The following NYNRIN variants were observed in gnomAD, a reference collection of about 807,000 sequenced individuals.
NYNRIN encodes the protein protein NYNRIN.
A neutral mutation model predicts 146.6 loss-of-function variants in NYNRIN; 86 were observed. The ratio of observed to expected loss-of-function variants is 0.59; its 90% CI spans 0.49 to 0.70. The LOEUF (loss-of-function observed/expected upper bound fraction) is 0.70. NYNRIN is among the 30% of genes least tolerant of loss of function. The pLI is 0.00. For missense variants in NYNRIN, 2,191 were observed against 2,377.7 expected, an observed-to-expected ratio of 0.92 and a Z score of 1.63; for synonymous variants, 1,027 against 1,001.3, an observed-to-expected ratio of 1.03 and a Z score of -0.48.
At chr14:24,414,496 C>G in intron 8 of NYNRIN, 100 bp from the exon 9 acceptor site, 1 of 1,444,212 alleles carries the variant, frequency 6.9e-7, no homozygotes, top group Non-Finnish European at 9.1e-7. Context: ...TTGGCCCAGC[C>G]TCAGGACACT....
In NYNRIN at chr14:24,409,801, T is replaced by C. The variant is rs537978307; in HGVS notation, c.2007T>C (p.Pro669=). Residue 669 remains proline, a synonymous_variant, in exon 4 of 9, where the codon CCT becomes CCC. Transcript: ENST00000382554. ...AAGCACCTGCAGCTCCCAAAGTACCTGTGACCCCCAGAGTCTCCAGAGCTC... is the reference window on the plus strand; with the variant it reads ...AAGCACCTGCAGCTCCCAAAGTACCCGTGACCCCCAGAGTCTCCAGAGCTC... ...ASKAPAAPKV[P]VTPRVSRAPK... 24 of 1,613,280 alleles carry C rather than the reference T, an allele frequency of 1.5e-5. No homozygotes were observed. In the Admixed American group the frequency reaches 3.5e-4, roughly 24 times the overall value.
At position 24,411,493 on chromosome 14, in the gene NYNRIN, G is replaced by T; in HGVS notation, c.2642+43G>T. ...CCTGCCCTCCTGGGCTCAGGGAGTT[G>T]GGCCTGGCTGGTGTGTCAGGTGGAG... On this transcript the variant is annotated intron_variant, in intron 6 of 8. Coordinates refer to ENST00000382554, the MANE Select transcript of NYNRIN (RefSeq NM_025081.3). The surrounding 1 kb of genome is among the most constrained non-coding windows in gnomAD (Gnocchi z 4.3). The T allele has an allele frequency of 6.4e-7, 1 of 1,550,806 alleles. No individual in the cohort carries two copies. The highest frequency in any genetic ancestry group is 8.9e-7 in the Non-Finnish European group (1 of 1,123,250).
At chr14:24,406,938 G>C (rs1362675191) in intron 2 of NYNRIN, among the ~76,000 whole-genome samples, 1 of 152,232 alleles carries the variant, frequency 6.6e-6, no homozygotes, top group Non-Finnish European at 1.5e-5. Context: ...GACTTGGTCT[G>C]CCCAGAAAGC....
rs1566487599 is a variant in NYNRIN, at chr14:24,415,395, C to T, written c.3646C>T (p.Leu1216Phe). The change falls in exon 9 of 9, where the codon CTC becomes TTC. Residue 1216 changes from leucine to phenylalanine, a missense_variant. Leu to Phe is a conservative substitution (Grantham distance 22). This residue lies in a region of NYNRIN where 1,291 missense variants were observed against 1,417.0 expected (regional missense o/e 0.91). Transcript: ENST00000382554. The stretch of plus-strand genomic sequence containing the variant: ...CAGCCCCTATGCTGTGGCCTGGGCC[C>T]TCAAGCATTTTTCCCGCTGCATTGG... Reference protein sequence around the residue: ...GDSPYAVAWALKHFSRCIGDT... With the variant: ...GDSPYAVAWAFKHFSRCIGDT... 6.2e-7 allele frequency: 1 copy of T among 1,614,004 alleles called. No homozygotes were observed. Among genetic ancestry groups the T allele is most frequent in the Non-Finnish European group, 8.5e-7 (1 of 1,179,880 alleles).
Position 24,419,281 on chromosome 14 carries a change from G to A in NYNRIN, c.*1835G>A, listed in dbSNP as rs746013262. 1 of 152,148 alleles carries A rather than the reference G, an allele frequency of 6.6e-6. No individual in the cohort carries two copies. Among genetic ancestry groups the A allele is most frequent in the African/African-American group, 2.4e-5 (1 of 41,426 alleles). 9.4% of individuals were successfully genotyped at this position (152,148 alleles called of 1,614,324 possible). On this transcript the variant is annotated 3_prime_UTR_variant, in exon 9 of 9. Transcript: ENST00000382554. The stretch of plus-strand genomic sequence containing the variant: ...GATTTGTCAATAAACGAATCAAACT[G>A]GAGCTGATGTCCAGTTCTTTGTTTA...
In NYNRIN at chr14:24,416,177, C is replaced by T. The variant is rs2042944053; in HGVS notation, c.4428C>T (p.Pro1476=). The T allele has an allele frequency of 6.2e-7, 1 of 1,613,976 alleles. No individual in the cohort carries two copies. The highest frequency in any genetic ancestry group is 8.5e-7 in the Non-Finnish European group (1 of 1,179,888). The change falls in exon 9 of 9, where the codon CCC becomes CCT. Residue 1476 remains proline (P), a synonymous_variant. Transcript: ENST00000382554. Reference sequence around the variant, plus strand: ...GTCCCCATGCCATGGGCAAGAGGCCCAATTTGCTGGCATTACAGCTGAGTG... The same window carrying T: ...GTCCCCATGCCATGGGCAAGAGGCCTAATTTGCTGGCATTACAGCTGAGTG... The part of the protein sequence containing the change: ...TVSPHAMGKR[P]NLLALQLSDS...
rs766804766 is a variant in NYNRIN, at chr14:24,416,981, G to A, written c.5232G>A (p.Leu1744=). The part of the protein sequence containing the change: ...GKKWAASLPL[L]HLAFRASSTD... Reference sequence around the variant, plus strand: ...AGTGGGCGGCCTCCCTGCCTTTGCTGCACCTGGCCTTCAGGGCCTCCTCCA... The same window carrying A: ...AGTGGGCGGCCTCCCTGCCTTTGCTACACCTGGCCTTCAGGGCCTCCTCCA... Residue 1744 remains leucine (L), a synonymous_variant, in exon 9 of 9, where the codon CTG becomes CTA. Coordinates refer to ENST00000382554, the MANE Select transcript of NYNRIN (RefSeq NM_025081.3). 3.8e-6 allele frequency: 6 copies of A among 1,584,610 alleles called. No homozygotes were observed. Among genetic ancestry groups the A allele is most frequent in the Non-Finnish European group, 5.2e-6 (6 of 1,163,876 alleles).
rs547783619 is a variant in NYNRIN, at chr14:24,418,985, A to G, written c.*1539A>G. ...TTCTCTCCAACTCTTCATCTCCCTG[A>G]TCTTCCAGACAAACTACCTGGATGT... On this transcript the variant is annotated 3_prime_UTR_variant, in exon 9 of 9. Coordinates refer to ENST00000382554, the MANE Select transcript of NYNRIN (RefSeq NM_025081.3). 1.3e-5 allele frequency: 2 copies of G among 152,340 alleles called. No individual in the cohort carries two copies. The highest frequency in any genetic ancestry group is 4.1e-4 in the South Asian group (2 of 4,834). 9.4% of individuals were successfully genotyped at this position (152,340 alleles called of 1,614,324 possible). A position where few individuals can be genotyped will look rare whatever the true frequency, so the allele number is the denominator to read the frequency against.
In NYNRIN at chr14:24,411,444, A is replaced by C; in HGVS notation, c.2636A>C (p.Asp879Ala). ...LENGKKITTY[D>A]YRFMVKLAEE... ...AATGGCAAGAAGATCACCACCTACG[A>C]TTATAGGTGTGCCGGTCCCCAGGCC... Residue 879 changes from aspartate (D) to alanine (A), a missense_variant, in exon 6 of 9, where the codon GAT becomes GCT. Asp to Ala is a moderately radical substitution (Grantham distance 126). Transcript: ENST00000382554. The surrounding 1 kb of genome is among the most constrained non-coding windows in gnomAD (Gnocchi z 4.3). 1 of 1,613,630 alleles carries C rather than the reference A, an allele frequency of 6.2e-7. No individual in the cohort carries two copies. Among genetic ancestry groups the C allele is most frequent in the Non-Finnish European group, 8.5e-7 (1 of 1,179,636 alleles).
rs1341297272 is a variant in NYNRIN at position 24,405,345 on chromosome 14, T to C, written c.199-2524T>C. On this transcript the variant is annotated intron_variant, in intron 2 of 8. Coordinates refer to ENST00000382554, the MANE Select transcript of NYNRIN (RefSeq NM_025081.3). Reference sequence around the variant, plus strand: ...CAGAATAATATTAAAATATGTCATATAAATGCTTTTATTTAACTTACAAGT... The same window carrying C: ...CAGAATAATATTAAAATATGTCATACAAATGCTTTTATTTAACTTACAAGT... 2.0e-5 allele frequency among the ~76,000 whole-genome samples: 3 copies of C among 152,246 alleles called. No homozygotes were observed. The East Asian group carries it at 5.8e-4, about 29-fold the overall frequency.
rs1376107355 is a variant in NYNRIN, at chr14:24,399,010, G to C, written c.-94G>C. 1.4e-5 allele frequency: 7 copies of C among 487,262 alleles called. No individual in the cohort carries two copies. The highest frequency in any genetic ancestry group is 2.5e-5 in the Non-Finnish European group (7 of 278,034). 30.2% of individuals were successfully genotyped at this position (487,262 alleles called of 1,614,324 possible). On this transcript the variant is annotated 5_prime_UTR_variant, in exon 1 of 9. Transcript: ENST00000382554. The stretch of plus-strand genomic sequence containing the variant: ...CGGTCCCACCCCTAGCTACAACCCC[G>C]GGCAGGAAGAGCTCGTCGCGGTAGC...
chr14:24,403,356 A>G (rs2042856624), intron 2 of NYNRIN, among the ~76,000 whole-genome samples: 1 of 152,170 alleles, frequency 6.6e-6, no homozygotes, highest in African/African-American at 2.4e-5. Flanking sequence ...TTTTGGTTCT[A>G]AATTTTTTCT....
intron 2 of NYNRIN, among the ~76,000 whole-genome samples, chr14:24,404,928 C>T (rs1005640829): frequency 1.3e-5 from 2 of 152,042 alleles, no homozygotes; most frequent in Non-Finnish European, 1.5e-5. Context: ...AACCTCGACT[C>T]CTAAGACCTT....
At chr14:24,399,203 G>A in intron 1 of NYNRIN, 27 bp from the exon 2 acceptor site, 3 of 1,591,230 alleles carry the variant, frequency 1.9e-6, no homozygotes, top group Non-Finnish European at 2.6e-6. Context: ...CGAGACCCGG[G>A]TGACACTATC....
At position 24,415,585 on chromosome 14, in the gene NYNRIN, T is replaced by C; in HGVS notation, c.3836T>C (p.Leu1279Pro). ...ALELALLQGL[L>P]GENRLLTPAA... The stretch of plus-strand genomic sequence containing the variant: ...GAATTGGCCCTCCTCCAGGGCCTGC[T>C]GGGGGAGAACCGCCTGCTCACCCCC... Residue 1279 changes from leucine to proline, a missense_variant, in exon 9 of 9, where the codon CTG becomes CCG. Leu to Pro is a moderately conservative substitution (Grantham distance 98). Around this residue, in one of 3 missense-constraint regions of NYNRIN, gnomAD observed 1,291 missense variants for 1,417.0 expected, o/e 0.91. Coordinates refer to ENST00000382554, the MANE Select transcript of NYNRIN (RefSeq NM_025081.3). 6.2e-7 allele frequency: 1 copy of C among 1,613,950 alleles called. No homozygotes were observed. The highest frequency in any genetic ancestry group is 8.5e-7 in the Non-Finnish European group (1 of 1,179,880).
chr14:24,409,793 A>G lies in NYNRIN; in HGVS notation c.1999A>G (p.Lys667Glu), dbSNP rs1196673219. 3.1e-6 allele frequency: 5 copies of G among 1,613,210 alleles called. No individual in the cohort carries two copies. Among genetic ancestry groups the G allele is most frequent in the East Asian group, 4.5e-5 (2 of 44,856 alleles). ...PAASKAPAAPKVPVTPRVSRA... is the reference protein window; with the variant it reads ...PAASKAPAAPEVPVTPRVSRA... The stretch of plus-strand genomic sequence containing the variant: ...AGCTTCCAAAGCACCTGCAGCTCCC[A>G]AAGTACCTGTGACCCCCAGAGTCTC... Residue 667 changes from lysine (K) to glutamate (E), a missense_variant, in exon 4 of 9, where the codon AAA becomes GAA. Transcript: ENST00000382554.
At chr14:24,412,755 G>T (rs1386435988) in intron 6 of NYNRIN, 2 of 418,668 alleles carry the variant, frequency 4.8e-6, no homozygotes, top group African/African-American at 2.1e-5. Flanking sequence ...GTGTGTGTTT[G>T]TATATACAGC....
Position 24,415,926 on chromosome 14 carries a change from A to T in NYNRIN, c.4177A>T (p.Arg1393Trp). The T allele has an allele frequency of 4.3e-6, 7 of 1,613,894 alleles. No homozygotes were observed. Among genetic ancestry groups the T allele is most frequent in the Non-Finnish European group, 5.9e-6 (7 of 1,179,872 alleles). ...CCTGTGGGAGCTCCTGCCCCTCTGG[A>T]GGGCTCGGGGCTTCCTCTCCTCTGA... ...SLLWELLPLW[R>W]ARGFLSSDGA... Residue 1393 changes from arginine to tryptophan, a missense_variant, in exon 9 of 9, where the codon AGG becomes TGG. By Grantham distance (101) the Arg-to-Trp change is moderately radical (BLOSUM62 -3). Transcript: ENST00000382554.
rs753263670 is a variant in NYNRIN at position 24,411,251 on chromosome 14, T to C, written c.2545+45T>C. 6.2e-7 allele frequency: 1 copy of C among 1,611,468 alleles called. No homozygotes were observed. The highest frequency in any genetic ancestry group is 8.5e-7 in the Non-Finnish European group (1 of 1,178,830). The stretch of plus-strand genomic sequence containing the variant: ...CCCAGCCTCCACAGTGTCACCAAGC[T>C]TTCTTCTCTCTGCCTTGCTGCCCCG... On this transcript the variant is annotated intron_variant, in intron 5 of 8. Transcript: ENST00000382554. This position sits in a 1 kb window ranked among gnomAD's most constrained non-coding sequence, Gnocchi z 4.3.
Sources: allele counts gnomAD v4.1 joint callset (sites outside exome capture counted in the v4.1 genomes callset), GRCh38; gene constraint gnomAD v4.1.1; regional missense constraint gnomAD v4.1.1; non-coding constraint Gnocchi (gnomAD v3.1); transcripts MANE v1.5; gene names NCBI Gene and HGNC (gene_info 2026-07-23, HGNC 2026-07-21).